The following PRKCA variants were observed in gnomAD, a reference collection of about 807,000 sequenced individuals.
The protein encoded by PRKCA is protein kinase C alpha type.
A neutral mutation model predicts 87.0 loss-of-function variants in PRKCA; 27 were observed. The observed-to-expected ratio is 0.31, with a 90% confidence interval of 0.23 to 0.43. The LOEUF (loss-of-function observed/expected upper bound fraction) is 0.43, where lower values mean the gene tolerates loss of function less well. Ranked by LOEUF, PRKCA falls within the 20% of genes least tolerant of loss-of-function variation. PRKCA has a pLI of 1.00. For missense variants in PRKCA, 518 were observed against 852.3 expected (o/e 0.61, Z 4.88); for synonymous variants, 329 against 311.1 (o/e 1.06, Z -0.61).
chr17:66,572,355 T>G (rs1286555290), intron 3 of PRKCA, among the ~76,000 whole-genome samples: 1 of 151,954 alleles, frequency 6.6e-6, no homozygotes, highest in Non-Finnish European at 1.5e-5. Context: ...TAATCCCAGC[T>G]ACTCAGGAGG....
chr17:66,737,607 G>A (rs557411958), intron 10 of PRKCA, among the ~76,000 whole-genome samples: 21 of 152,318 alleles, frequency 1.4e-4, no homozygotes, highest in Admixed American at 5.9e-4. Flanking sequence ...TCTCAAAATG[G>A]CTTTGCAGCC....
At chr17:66,763,848 G>A (rs1246012920) in intron 13 of PRKCA, among the ~76,000 whole-genome samples, 1 of 152,096 alleles carries the variant, frequency 6.6e-6, no homozygotes, top group African/African-American at 2.4e-5. Flanking sequence ...TACTTTATAG[G>A]TCCGTGGGTT....
intron 2 of PRKCA, among the ~76,000 whole-genome samples, chr17:66,446,902 C>T (rs1200497333): frequency 6.6e-6 from 1 of 152,162 alleles, no homozygotes; most frequent in Non-Finnish European, 1.5e-5. Flanking sequence ...TTTTCTTGCA[C>T]TGAATTCTGA....
intron 2 of PRKCA, among the ~76,000 whole-genome samples, chr17:66,422,729 C>CT (rs1305255365): frequency 2.0e-5 from 3 of 152,166 alleles, no homozygotes; most frequent in African/African-American, 7.2e-5. Flanking sequence ...CCGTGACACT[C>CT]TTATTTTTAA....
intron 13 of PRKCA, among the ~76,000 whole-genome samples, chr17:66,771,423 A>G (rs2144329512): frequency 6.6e-6 from 1 of 152,344 alleles, no homozygotes; most frequent in Middle Eastern, 3.4e-3. Flanking sequence ...GATACTCATG[A>G]TATATTATTA....
At chr17:66,366,452 C>T (rs1230784727) in intron 2 of PRKCA, among the ~76,000 whole-genome samples, 2 of 152,074 alleles carry the variant, frequency 1.3e-5, no homozygotes, top group Non-Finnish European at 2.9e-5. Context: ...ATTTTCAGGG[C>T]GTGGTGCTGA....
chr17:66,332,970 C>T (rs1010665596), intron 2 of PRKCA, among the ~76,000 whole-genome samples: 5 of 152,314 alleles, frequency 3.3e-5, no homozygotes, highest in Non-Finnish European at 5.9e-5. Flanking sequence ...GGATTACAGG[C>T]GTAAGCCAAC....
At chr17:66,520,960 A>T (rs1285752576) in intron 3 of PRKCA, among the ~76,000 whole-genome samples, 4 of 152,292 alleles carry the variant, frequency 2.6e-5, no homozygotes, top group African/African-American at 7.2e-5. Flanking sequence ...AATGATTTAA[A>T]AGTCTCCATG....
Position 66,803,383 on chromosome 17 carries a change from G to A in PRKCA, c.1855-490G>A, listed in dbSNP as rs951492142. Among the ~76,000 whole-genome samples the A allele has an allele frequency of 6.6e-6, 1 of 152,194 alleles. No individual in the cohort carries two copies. Among genetic ancestry groups the A allele is most frequent in the African/African-American group, 2.4e-5 (1 of 41,442 alleles). On this transcript the variant is annotated intron_variant, in intron 16 of 16. Transcript: ENST00000413366. The surrounding 1 kb of genome is among the most constrained non-coding windows in gnomAD (Gnocchi z 4.4). The stretch of plus-strand genomic sequence containing the variant: ...GGTTGCTGGAGCAGCCCAGTAGGAA[G>A]GCAAGGATAACACAGTTTTTACTTC...
chr17:66,470,817 G>A (rs1344938437), intron 2 of PRKCA, among the ~76,000 whole-genome samples: 1 of 152,216 alleles, frequency 6.6e-6, no homozygotes, highest in Non-Finnish European at 1.5e-5. Flanking sequence ...GAAACAGAGT[G>A]AATTAAAACT....
chr17:66,421,717 T>TC (rs1371136992), intron 2 of PRKCA, among the ~76,000 whole-genome samples: 1 of 147,248 alleles, frequency 6.8e-6, no homozygotes, highest in Non-Finnish European at 1.5e-5. Context: ...TTTTTTTTTT[T>TC]CTTTTAGTGG....
In PRKCA at chr17:66,496,186, C is replaced by T. The variant is rs773545529; in HGVS notation, c.206-15C>T. ...TCATGTCTATTCTAATTTTAGTTTC[C>T]TTTTTCTCTACCAGTTTGCTGTTTT... On this transcript the variant is annotated splice_polypyrimidine_tract_variant and intron_variant, in intron 2 of 16. Coordinates refer to ENST00000413366, the MANE Select transcript of PRKCA (RefSeq NM_002737.3). The T allele has an allele frequency of 2.5e-6, 4 of 1,605,562 alleles. No homozygotes were observed. Among genetic ancestry groups the T allele is most frequent in the Non-Finnish European group, 3.4e-6 (4 of 1,173,026 alleles).
intron 2 of PRKCA, among the ~76,000 whole-genome samples, chr17:66,351,013 TTGTC>T (rs1414799178): frequency 6.6e-6 from 1 of 152,236 alleles, no homozygotes; most frequent in Middle Eastern, 3.2e-3. Context: ...TACAATGTAA[TTGTC>T]TGTGTGCCAG....
At chr17:66,777,178 T>TC (rs1185923366) in intron 14 of PRKCA, 1 of 984,752 alleles carries the variant, frequency 1.0e-6, no homozygotes, top group Non-Finnish European at 1.2e-6. Context: ...CCTGCCCATG[T>TC]CCGAACAGCC....
At chr17:66,594,324 A>C (rs117478932) in intron 3 of PRKCA, among the ~76,000 whole-genome samples, 1 of 152,174 alleles carries the variant, frequency 6.6e-6, no homozygotes, top group East Asian at 1.9e-4. Context: ...GGGGTGGTCT[A>C]AGGACTGCAG....
chr17:66,433,775 G>C (rs1258925802), intron 2 of PRKCA, among the ~76,000 whole-genome samples: 1 of 152,094 alleles, frequency 6.6e-6, no homozygotes, highest in African/African-American at 2.4e-5. Context: ...GAACTCCTGA[G>C]CTCAAATCAT....
intron 2 of PRKCA, among the ~76,000 whole-genome samples, chr17:66,486,168 G>T (rs1337737521): frequency 6.6e-6 from 1 of 152,200 alleles, no homozygotes; most frequent in African/African-American, 2.4e-5. Flanking sequence ...ATATTTTTGC[G>T]TGATTTGTCA....
Position 66,689,689 on chromosome 17 carries a change from TCTC to T in PRKCA, c.918+646_918+648del, listed in dbSNP as rs780466087. Among the ~76,000 whole-genome samples, 5 of 152,166 alleles carry T rather than the reference TCTC, an allele frequency of 3.3e-5. No individual in the cohort carries two copies. Among genetic ancestry groups the T allele is most frequent in the Non-Finnish European group, 7.4e-5 (5 of 68,026 alleles). The stretch of plus-strand genomic sequence containing the variant: ...TCTTTTTCTTCTCCTCTCTCTCCCT[TCTC>T]CTCTTCATTTACCGACATCTCAGCT... On this transcript the variant is annotated intron_variant, in intron 8 of 16. Coordinates refer to ENST00000413366, the MANE Select transcript of PRKCA (RefSeq NM_002737.3). The surrounding 1 kb of genome is among the most constrained non-coding windows in gnomAD (Gnocchi z 4.1).
intron 11 of PRKCA, 112 bp from the exon 12 acceptor site, chr17:66,741,547 A>G: frequency 8.8e-7 from 1 of 1,136,500 alleles, no homozygotes; most frequent in Admixed American, 1.9e-5. Context: ...GGTCTCTGAG[A>G]GCCTCTGGGT....
Sources: gnomAD v4.1 joint callset for allele counts (sites outside exome capture counted in the v4.1 genomes callset) on GRCh38, gnomAD v4.1.1 for gene constraint, Gnocchi (gnomAD v3.1) non-coding constraint, MANE v1.5 for transcripts, NCBI Gene and HGNC (gene_info 2026-07-23, HGNC 2026-07-21) for gene names.